TRIP4: variants seen among roughly 807,000 people sequenced by gnomAD.
TRIP4 encodes activating signal cointegrator 1.
A neutral mutation model predicts 81.8 loss-of-function variants in TRIP4; 54 were observed. The observed-to-expected ratio is 0.66, with a 90% CI of 0.53 to 0.83. The LOEUF is 0.83. Among genes scored for constraint, TRIP4 ranks in the 40% least tolerant of loss-of-function variants. TRIP4 has a pLI of 0.00. For missense variants in TRIP4, 662 were observed against 683.6 expected (o/e 0.97, Z 0.35); for synonymous variants, 270 against 242.8 (o/e 1.11, Z -1.04).
At chr15:64,442,679 C>T (rs1233686139) in intron 11 of TRIP4, among the ~76,000 whole-genome samples, 1 of 151,352 alleles carries the variant, frequency 6.6e-6, no homozygotes, top group Non-Finnish European at 1.5e-5. Flanking sequence ...AGTTCTACTA[C>T]AGATAGATCA....
chr15:64,446,446 C>T (rs1285792456), intron 12 of TRIP4, among the ~76,000 whole-genome samples: 4 of 146,406 alleles, frequency 2.7e-5, no homozygotes, highest in Admixed American at 1.4e-4. Context: ...ACTCTGTCTC[C>T]GAGGCTGGAG....
intron 7 of TRIP4, among the ~76,000 whole-genome samples, chr15:64,411,605 TAAAAA>T (rs1295171085): frequency 6.6e-6 from 1 of 150,744 alleles, no homozygotes; most frequent in Non-Finnish European, 1.5e-5. Flanking sequence ...GACCCCACCT[TAAAAA>T]AAAGTCTATT....
intron 12 of TRIP4, among the ~76,000 whole-genome samples, chr15:64,449,716 AAAG>A (rs1892711829): frequency 6.6e-6 from 1 of 152,188 alleles, no homozygotes; most frequent in Non-Finnish European, 1.5e-5. Flanking sequence ...ATAATTCAGA[AAAG>A]AGCAATATAC....
chr15:64,408,949 T>G (rs1457021623), intron 6 of TRIP4, among the ~76,000 whole-genome samples: 1 of 152,134 alleles, frequency 6.6e-6, no homozygotes, highest in Admixed American at 6.6e-5. Context: ...GCACAGTGGC[T>G]CACACCTGTA....
At chr15:64,406,483 A>G in intron 6 of TRIP4, 24 bp downstream of exon 6, 2 of 1,607,802 alleles carry the variant, frequency 1.2e-6, no homozygotes, top group African/African-American at 2.7e-5. Flanking sequence ...AGAATAACAA[A>G]TGCTAAGAAA....
At chr15:64,402,409 CAG>C (rs1394835967) in intron 5 of TRIP4, among the ~76,000 whole-genome samples, 2 of 151,858 alleles carry the variant, frequency 1.3e-5, no homozygotes, top group African/African-American at 4.8e-5. Flanking sequence ...TTAGTAGAGA[CAG>C]GGTTTCTCCA....
chr15:64,451,324 G>A (rs1378333996), intron 12 of TRIP4, among the ~76,000 whole-genome samples: 1 of 151,764 alleles, frequency 6.6e-6, no homozygotes, highest in Non-Finnish European at 1.5e-5. Flanking sequence ...TGTTGGTCAG[G>A]CTGGTCTTGA....
intron 4 of TRIP4, 49 bp from the exon 5 acceptor site, chr15:64,400,694 A>G: frequency 7.0e-7 from 1 of 1,427,796 alleles, no homozygotes; most frequent in South Asian, 1.2e-5. Flanking sequence ...TCAAGAAAGC[A>G]ATATAATTTA....
At chr15:64,398,839 C>T (rs1900371455) in intron 4 of TRIP4, among the ~76,000 whole-genome samples, 1 of 151,924 alleles carries the variant, frequency 6.6e-6, no homozygotes, top group South Asian at 2.1e-4. Flanking sequence ...GTTGAGCTGG[C>T]TGTCAGAAGC....
intron 11 of TRIP4, among the ~76,000 whole-genome samples, chr15:64,434,228 C>T (rs1208350855): frequency 1.3e-5 from 2 of 151,982 alleles, no homozygotes; most frequent in African/African-American, 2.4e-5. Context: ...GGAAAAACCC[C>T]GTCTCTACTA....
intron 5 of TRIP4, among the ~76,000 whole-genome samples, chr15:64,404,095 G>T (rs1891571627): frequency 6.6e-6 from 1 of 151,966 alleles, no homozygotes; most frequent in African/African-American, 2.4e-5. Context: ...GGAGACTGAG[G>T]CTGGGAATTG....
chr15:64,431,040 A>G (rs956689193), intron 11 of TRIP4, among the ~76,000 whole-genome samples: 2 of 152,182 alleles, frequency 1.3e-5, no homozygotes, highest in African/African-American at 4.8e-5. Flanking sequence ...TCCAAGTATC[A>G]CTTCGTTTGT....
chr15:64,434,052 G>T (rs896324556), intron 11 of TRIP4, among the ~76,000 whole-genome samples: 21 of 152,068 alleles, frequency 1.4e-4, no homozygotes, highest in African/African-American at 5.1e-4. Context: ...AACAAAAAAT[G>T]AAATGGGGAG....
At chr15:64,432,680 G>C (rs1892304427) in intron 11 of TRIP4, among the ~76,000 whole-genome samples, 2 of 151,708 alleles carry the variant, frequency 1.3e-5, no homozygotes, top group African/African-American at 2.4e-5. Flanking sequence ...GGGAGGCCAA[G>C]ATGGGCGGAT....
Position 64,455,300 on chromosome 15 carries a change from C to G in TRIP4, c.*236C>G, listed in dbSNP as rs1892860496. ...ATTTATAAAAACCTGTTTAAAAATT[C>G]TAAGTCTTTTGACATTTTTCTTAGA... On this transcript the variant is annotated 3_prime_UTR_variant, in exon 13 of 13. Transcript: ENST00000261884. The G allele has an allele frequency of 2.6e-6, 1 of 390,150 alleles. No individual in the cohort carries two copies. Among genetic ancestry groups the G allele is most frequent in the East Asian group, 3.9e-5 (1 of 25,858 alleles). The allele number at this position is 390,150 out of a possible 1,614,324, so 24.2% of individuals were successfully genotyped here. A position where few individuals can be genotyped will look rare whatever the true frequency, so the allele number is the denominator to read the frequency against.
intron 10 of TRIP4, chr15:64,424,375 C>A (rs764091963): frequency 2.8e-5 from 15 of 532,684 alleles, no homozygotes; most frequent in Non-Finnish European, 4.6e-5. Flanking sequence ...CACAAGAAAT[C>A]AACTAGTCTT....
intron 5 of TRIP4, among the ~76,000 whole-genome samples, chr15:64,403,117 C>T (rs914866774): frequency 1.3e-5 from 2 of 151,506 alleles, no homozygotes; most frequent in African/African-American, 4.9e-5. Flanking sequence ...CTGCCTTGGC[C>T]TCCCAAAGTG....
intron 11 of TRIP4, among the ~76,000 whole-genome samples, chr15:64,429,202 A>C (rs1014462636): frequency 9.9e-5 from 15 of 152,026 alleles, no homozygotes; most frequent in Admixed American, 3.3e-4. Context: ...CTGTAATCTC[A>C]GCTTCTGGGG....
At chr15:64,412,716 C>T (rs1164960047) in intron 7 of TRIP4, among the ~76,000 whole-genome samples, 2 of 152,116 alleles carry the variant, frequency 1.3e-5, no homozygotes, top group East Asian at 3.9e-4. Flanking sequence ...TGTTGTGCCT[C>T]ACAATTATTA....
Sources: gnomAD v4.1 joint callset for allele counts (sites outside exome capture counted in the v4.1 genomes callset) on GRCh38, gnomAD v4.1.1 for gene constraint, MANE v1.5 for transcripts, NCBI Gene and HGNC (gene_info 2026-07-23, HGNC 2026-07-21) for gene names.